Variants in GATM observed in about 807,000 individuals in gnomAD.
GATM encodes glycine amidinotransferase, mitochondrial.
In GATM, 23 loss-of-function variants were observed where a neutral mutation model predicts 54.2. The ratio of observed to expected loss-of-function variants is 0.42; its 90% CI spans 0.31 to 0.60. The LOEUF (loss-of-function observed/expected upper bound fraction) is 0.60, where lower values mean the gene tolerates loss of function less well. Ranked by LOEUF, GATM falls within the 20% of genes least tolerant of loss-of-function variation. The pLI is 0.14. For missense variants in GATM, 401 were observed against 544.9 expected (o/e 0.74, Z 2.63); for synonymous variants, 168 against 183.1 (o/e 0.92, Z 0.67).
intron 3 of GATM, among the ~76,000 whole-genome samples, chr15:45,387,525 C>T (rs541062087): frequency 1.3e-5 from 2 of 152,100 alleles, no homozygotes; most frequent in Admixed American, 6.5e-5. Flanking sequence ...CCACAGCACA[C>T]CTTGTTAATA....
rs542203290 is a variant in GATM at position 45,376,362 on chromosome 15, A to T, written c.288+239T>A. On this transcript the variant is annotated intron_variant, in intron 2 of 8. Coordinates refer to ENST00000396659, the MANE Select transcript of GATM (RefSeq NM_001482.3). ...GAAGAAGATCTGAGGACAGTGAAAG[A>T]ACTATTATTCCCAGAAAAGCTCTCT... Among the ~76,000 whole-genome samples the T allele has an allele frequency of 2.6e-5, 4 of 152,316 alleles. No homozygotes were observed. The East Asian group carries it at 7.7e-4, about 29-fold the overall frequency.
chr15:45,365,907 T>C (rs1812906704), intron 6 of GATM, 139 bp downstream of exon 6: 5 of 786,372 alleles, frequency 6.4e-6, no homozygotes, highest in African/African-American at 1.7e-5. Context: ...GAATCCAATG[T>C]TTGATCATAA....
chr15:45,384,738 T>C (rs1184197425), intron 3 of GATM, among the ~76,000 whole-genome samples: 2 of 152,018 alleles, frequency 1.3e-5, no homozygotes, highest in African/African-American at 4.8e-5. Context: ...AGACAGAGTC[T>C]CCCTCTGTCA....
chr15:45,389,524 A>G (rs1889843864), intron 3 of GATM, among the ~76,000 whole-genome samples: 1 of 152,154 alleles, frequency 6.6e-6, no homozygotes, highest in Non-Finnish European at 1.5e-5. Flanking sequence ...GCTCACTGCA[A>G]GCTCCACCTC....
At chr15:45,375,216 A>G (rs1455411702) in intron 2 of GATM, among the ~76,000 whole-genome samples, 2 of 151,890 alleles carry the variant, frequency 1.3e-5, no homozygotes, top group Non-Finnish European at 2.9e-5. Flanking sequence ...GACTACAGGC[A>G]CCCGCCACCA....
intron 2 of GATM, among the ~76,000 whole-genome samples, chr15:45,398,390 T>C (rs1889958492): frequency 6.6e-6 from 1 of 152,248 alleles, no homozygotes; most frequent in Non-Finnish European, 1.5e-5. Context: ...AGAATGATGT[T>C]CTATGAACTG....
chr15:45,377,127 T>A (rs1889652413), intron 1 of GATM: 1 of 471,924 alleles, frequency 2.1e-6, no homozygotes, highest in Non-Finnish European at 4.1e-6. Flanking sequence ...ATTCCTGCAC[T>A]CAAGCTTTAA....
Position 45,366,363 on chromosome 15 carries a change from G to GC in GATM, c.813+7dup. On this transcript the variant is annotated splice_region_variant and intron_variant, in intron 5 of 8. Coordinates refer to ENST00000396659, the MANE Select transcript of GATM (RefSeq NM_001482.3). ...TAGTGTGAAATTTCAGAGGCAGCCT[G>GC]CGTTCACCTGGCTTCTCTGTGCAAA... 1.2e-6 allele frequency: 2 copies of GC among 1,614,110 alleles called. No individual in the cohort carries two copies. Among genetic ancestry groups the GC allele is most frequent in the Middle Eastern group, 3.3e-4 (2 of 6,062 alleles).
At chr15:45,375,558 T>C (rs1454241097) in intron 2 of GATM, among the ~76,000 whole-genome samples, 1 of 152,164 alleles carries the variant, frequency 6.6e-6, no homozygotes, top group East Asian at 1.9e-4. Flanking sequence ...GTGAGTAGTC[T>C]AGCTTAGCTG....
In GATM at chr15:45,368,335, G is replaced by A; in HGVS notation, c.485-75C>T. ...GACAAAAAAGGTCTATATAGGGCCA[G>A]GCACAGTGGCTCATGCCTGTAATCC... On this transcript the variant is annotated intron_variant, in intron 3 of 8. Coordinates refer to ENST00000396659, the MANE Select transcript of GATM (RefSeq NM_001482.3). This position sits in a 1 kb window ranked among gnomAD's most constrained non-coding sequence, Gnocchi z 5.1. The A allele has an allele frequency of 7.8e-7, 1 of 1,286,136 alleles. No homozygotes were observed. The highest frequency in any genetic ancestry group is 1.1e-6 in the Non-Finnish European group (1 of 898,468). 79.7% of individuals were successfully genotyped at this position (1,286,136 alleles called of 1,614,324 possible). A position where few individuals can be genotyped will look rare whatever the true frequency, so the allele number is the denominator to read the frequency against.
chr15:45,395,116 C>T (rs1343463827), intron 3 of GATM, among the ~76,000 whole-genome samples: 1 of 152,124 alleles, frequency 6.6e-6, no homozygotes, highest in South Asian at 2.1e-4. Flanking sequence ...TAGCAAAGCA[C>T]TAGAGGAAAC....
intron 2 of GATM, chr15:45,399,452 AT>A (rs1417422629): frequency 6.6e-6 from 1 of 152,154 alleles, no homozygotes; most frequent in East Asian, 1.9e-4. Flanking sequence ...CATGAATGGG[AT>A]TAGTGTGCTT....
intron 4 of GATM, among the ~76,000 whole-genome samples, chr15:45,367,090 C>A (rs1382423738): frequency 1.3e-5 from 2 of 152,128 alleles, no homozygotes; most frequent in African/African-American, 4.8e-5. Context: ...CCTGTAATCC[C>A]AGCACTTTGG....
At chr15:45,401,048 G>A (rs1595492215) in intron 1 of GATM, among the ~76,000 whole-genome samples, 1 of 152,116 alleles carries the variant, frequency 6.6e-6, no homozygotes, top group Non-Finnish European at 1.5e-5. Context: ...GGATTAAGAG[G>A]AAAAAAGAAA....
At chr15:45,369,724 T>C (rs1390210920) in intron 2 of GATM, 9 of 584,078 alleles carry the variant, frequency 1.5e-5, no homozygotes, top group Non-Finnish European at 2.7e-5. Flanking sequence ...CTCTAAAACA[T>C]CTTGATATTT....
chr15:45,382,843 G>A (rs1398313688), upstream of GATM, among the ~76,000 whole-genome samples: 1 of 152,146 alleles, frequency 6.6e-6, no homozygotes, highest in Non-Finnish European at 1.5e-5. Flanking sequence ...TTATCCCTCA[G>A]AGTGTGGTGA....
At chr15:45,388,515 C>T (rs550356761) in intron 3 of GATM, among the ~76,000 whole-genome samples, 4 of 152,264 alleles carry the variant, frequency 2.6e-5, no homozygotes, top group South Asian at 2.1e-4. Context: ...CACTATATTT[C>T]GTTGTAATGT....
Position 45,367,141 on chromosome 15 carries a change from G to C in GATM, c.676-633C>G, listed in dbSNP as rs1282957037. 3.3e-5 allele frequency among the ~76,000 whole-genome samples: 5 copies of C among 152,210 alleles called. No homozygotes were observed. In the South Asian group the frequency reaches 1.0e-3, roughly 32 times the overall value. On this transcript the variant is annotated intron_variant, in intron 4 of 8. Transcript: ENST00000396659. ...GGATCACCTGAGGTCAGGAGTTCGA[G>C]ACCAGCCTGGCCAACATGGTGAAAC...
chr15:45,387,520 G>A (rs1179079210), intron 3 of GATM, among the ~76,000 whole-genome samples: 1 of 151,858 alleles, frequency 6.6e-6, no homozygotes, highest in Non-Finnish European at 1.5e-5. Flanking sequence ...GTGTACCACA[G>A]CACACCTTGT....
Sources: gnomAD v4.1 joint callset for allele counts (sites outside exome capture counted in the v4.1 genomes callset) on GRCh38, gnomAD v4.1.1 for gene constraint, Gnocchi (gnomAD v3.1) non-coding constraint, MANE v1.5 for transcripts, NCBI Gene and HGNC (gene_info 2026-07-23, HGNC 2026-07-21) for gene names.